Variants in ZNF469 observed in about 807,000 individuals in gnomAD.
The protein encoded by ZNF469 is zinc finger protein 469.
A neutral mutation model predicts 1.0 loss-of-function variants in ZNF469; 1 was observed. The ratio of observed to expected loss-of-function variants is 1.00; its 90% CI spans 0.35 to 4.73. The LOEUF (loss-of-function observed/expected upper bound fraction) is 4.73, where lower values mean the gene tolerates loss of function less well. Among genes scored for constraint, ZNF469 ranks in the 30% most tolerant of loss-of-function variants. ZNF469 has a pLI of 0.16. For missense variants in ZNF469, 6,100 were observed against 5,356.3 expected (o/e 1.14, Z -4.33); for synonymous variants, 2,703 against 2,363.4 (o/e 1.14, Z -4.17).
intron 1 of ZNF469, among the ~76,000 whole-genome samples, chr16:88,396,878 C>CTGAAGGGAGGCCGGTTGGAGACCCTCA (rs1904689808): frequency 2.4e-5 from 1 of 42,086 alleles, no homozygotes; most frequent in Non-Finnish European, 5.1e-5. Flanking sequence ...GGACACCCTC[C>CTGAAGGGAGGCCGGTTGGAGACCCTCA]TGAAGGGAGG....
the ZNF469 span, among the ~76,000 whole-genome samples, chr16:88,226,396 C>T: frequency 1.3e-5 from 2 of 152,040 alleles, no homozygotes; most frequent in South Asian, 2.1e-4. Context: ...TGGCGTGGTG[C>T]AGCTGCCCAC....
chr16:88,383,742 G>C (rs1378748181), intron 1 of ZNF469, among the ~76,000 whole-genome samples: 1 of 151,866 alleles, frequency 6.6e-6, no homozygotes, highest in Non-Finnish European at 1.5e-5. Context: ...GCCCCGCGGC[G>C]CTCCGAGCGC....
At chr16:88,151,117 G>C in the ZNF469 span, among the ~76,000 whole-genome samples, 1 of 152,234 alleles carries the variant, frequency 6.6e-6, no homozygotes, top group Non-Finnish European at 1.5e-5. This position sits in a 1 kb window ranked among gnomAD's most constrained non-coding sequence, Gnocchi z 5.4. Flanking sequence ...ACCTCAGTGA[G>C]CTCCTCTGCC....
chr16:88,248,829 G>A, the ZNF469 span, among the ~76,000 whole-genome samples: 2 of 152,140 alleles, frequency 1.3e-5, no homozygotes, highest in Admixed American at 1.3e-4. Flanking sequence ...GCCAGCTGTC[G>A]GGCTGAGGCA....
intron 2 of ZNF469, among the ~76,000 whole-genome samples, chr16:88,426,280 C>T (rs1409355454): frequency 6.6e-6 from 1 of 152,252 alleles, no homozygotes; most frequent in Non-Finnish European, 1.5e-5. Context: ...CCATGAGGAC[C>T]CAGGGGTCAG....
At chr16:88,247,534 G>A in the ZNF469 span, among the ~76,000 whole-genome samples, 3 of 151,862 alleles carry the variant, frequency 2.0e-5, no homozygotes, top group East Asian at 5.8e-4. Flanking sequence ...ATGAGTGAGT[G>A]AGTGAATGAG....
At chr16:88,395,128 A>G (rs1457308375) in intron 1 of ZNF469, among the ~76,000 whole-genome samples, 1 of 152,220 alleles carries the variant, frequency 6.6e-6, no homozygotes, top group Non-Finnish European at 1.5e-5. Flanking sequence ...AGAACTTCAG[A>G]AAGTTGAAGC....
At chr16:88,282,786 C>G in the ZNF469 span, among the ~76,000 whole-genome samples, 2 of 152,166 alleles carry the variant, frequency 1.3e-5, no homozygotes, top group African/African-American at 2.4e-5. Context: ...CTCCTGACCT[C>G]GATGGAGTGG....
chr16:88,431,210 C>T lies in ZNF469; in HGVS notation c.3740C>T (p.Ser1247Phe). The change falls in exon 3 of 3, where the codon TCT becomes TTT. Residue 1247 changes from serine (S) to phenylalanine (F), a missense_variant. By Grantham distance (155) the Ser-to-Phe change is radical. Coordinates refer to ENST00000565624, the MANE Select transcript of ZNF469 (RefSeq NM_001367624.2). ...DSTEFTEALRSPPAACAGEMG... is the reference protein window; with the variant it reads ...DSTEFTEALRFPPAACAGEMG... ...ACAGAATTCACAGAGGCTTTGCGTTCTCCTCCAGCCGCCTGTGCGGGAGAA... is the reference window on the plus strand; with the variant it reads ...ACAGAATTCACAGAGGCTTTGCGTTTTCCTCCAGCCGCCTGTGCGGGAGAA... The T allele has an allele frequency of 6.5e-7, 1 of 1,550,376 alleles. No homozygotes were observed. Among genetic ancestry groups the T allele is most frequent in the Non-Finnish European group, 8.7e-7 (1 of 1,146,968 alleles).
chr16:88,373,598 G>T, the ZNF469 span, among the ~76,000 whole-genome samples: 5 of 152,178 alleles, frequency 3.3e-5, no homozygotes, highest in African/African-American at 4.8e-5. Context: ...AGGCTTTCTG[G>T]TGCCAACATT....
chr16:88,116,495 C>T, the ZNF469 span, among the ~76,000 whole-genome samples: 21 of 152,254 alleles, frequency 1.4e-4, no homozygotes. Context: ...CCCACAATGA[C>T]ACTCTTGGGG....
chr16:88,434,524 C>T lies in ZNF469; in HGVS notation c.7054C>T (p.Pro2352Ser), dbSNP rs1017789243. 29 of 1,550,192 alleles carry T rather than the reference C, an allele frequency of 1.9e-5. No individual in the cohort carries two copies. The African/African-American group carries it at 4.0e-4, about 21-fold the overall frequency. ...GQAVTAVPTE[P>S]PTLQGAGPDS... ...GGCTGTCACAGCTGTGCCCACTGAGCCTCCCACGCTACAGGGTGCAGGGCC... is the reference window on the plus strand; with the variant it reads ...GGCTGTCACAGCTGTGCCCACTGAGTCTCCCACGCTACAGGGTGCAGGGCC... Residue 2352 changes from proline (P) to serine (S), a missense_variant, in exon 3 of 3, where the codon CCT becomes TCT. Pro to Ser is a moderately conservative substitution (Grantham distance 74). Coordinates refer to ENST00000565624, the MANE Select transcript of ZNF469 (RefSeq NM_001367624.2).
the ZNF469 span, among the ~76,000 whole-genome samples, chr16:88,172,965 T>C: frequency 3.7e-4 from 56 of 152,328 alleles, no homozygotes; most frequent in African/African-American, 1.3e-3. Context: ...AGGACACTGG[T>C]GACCTGTGGG....
the ZNF469 span, among the ~76,000 whole-genome samples, chr16:88,369,729 C>A: frequency 6.6e-6 from 1 of 152,210 alleles, no homozygotes; most frequent in Non-Finnish European, 1.5e-5. Flanking sequence ...TCTTGCAGAG[C>A]TAGATGGAGA....
At chr16:88,304,469 G>A in the ZNF469 span, among the ~76,000 whole-genome samples, 1 of 152,206 alleles carries the variant, frequency 6.6e-6, no homozygotes, top group Non-Finnish European at 1.5e-5. Context: ...CAAGAGCGGA[G>A]AGAGCTGTGG....
intron 1 of ZNF469, among the ~76,000 whole-genome samples, chr16:88,396,878 C>CAGAAGGGAGGCCGGGTGGAGACCCTCA (rs1904689598): frequency 2.4e-5 from 1 of 42,086 alleles, no homozygotes; most frequent in African/African-American, 1.3e-4. Context: ...GGACACCCTC[C>CAGAAGGGAGGCCGGGTGGAGACCCTCA]TGAAGGGAGG....
the ZNF469 span, among the ~76,000 whole-genome samples, chr16:88,213,466 G>C: frequency 9.9e-5 from 15 of 152,162 alleles, no homozygotes; most frequent in African/African-American, 3.4e-4. Context: ...TTAATGGACA[G>C]GGTTGGCAAG....
the ZNF469 span, among the ~76,000 whole-genome samples, chr16:88,243,132 G>A: frequency 2.7e-4 from 41 of 152,172 alleles, no homozygotes; most frequent in Non-Finnish European, 5.0e-4. Flanking sequence ...AGTGGCTCAC[G>A]AGGCTGGAAG....
the ZNF469 span, among the ~76,000 whole-genome samples, chr16:88,366,467 CCAT>C: frequency 6.8e-6 from 1 of 147,592 alleles, no homozygotes; most frequent in Admixed American, 6.7e-5. Flanking sequence ...ATCATCATCA[CCAT>C]CATCACCATG....
Sources: gnomAD v4.1 joint callset for allele counts (sites outside exome capture counted in the v4.1 genomes callset) on GRCh38, gnomAD v4.1.1 for gene constraint, Gnocchi (gnomAD v3.1) non-coding constraint, MANE v1.5 for transcripts, NCBI Gene and HGNC (gene_info 2026-07-23, HGNC 2026-07-21) for gene names.